HEATR4: variants seen among roughly 807,000 people sequenced by gnomAD.
HEATR4 encodes HEAT repeat-containing protein 4.
HEATR4 carries 95 observed loss-of-function variants against 108.8 expected under a neutral mutation model. That is an observed-to-expected ratio of 0.87 (90% CI 0.74 to 1.04). The LOEUF is 1.04. HEATR4 is among the 50% of genes least tolerant of loss of function. The pLI is 0.00. For missense variants in HEATR4, 1,152 were observed against 1,253.8 expected, an observed-to-expected ratio of 0.92 and a Z score of 1.23; for synonymous variants, 443 against 459.4, an observed-to-expected ratio of 0.96 and a Z score of 0.46.
chr14:73,569,797 G>T, the HEATR4 span: 1 of 1,603,550 alleles, frequency 6.2e-7, no homozygotes, highest in Non-Finnish European at 8.5e-7. Context: ...TGCCAGACGC[G>T]GCACGAGCGC....
upstream of HEATR4, among the ~76,000 whole-genome samples, chr14:73,559,462 G>A (rs948501553): frequency 2.6e-5 from 4 of 151,928 alleles, no homozygotes; most frequent in Admixed American, 1.3e-4. Context: ...CAGGCGCGAT[G>A]GCTCACGCCT....
chr14:73,599,599 C>A, the HEATR4 span, among the ~76,000 whole-genome samples: 1 of 152,130 alleles, frequency 6.6e-6, no homozygotes, highest in Admixed American at 6.5e-5. Context: ...AACCTCCCTG[C>A]CATAAAAGTA....
chr14:73,593,336 CTTTTT>C, the HEATR4 span, among the ~76,000 whole-genome samples: 3 of 104,868 alleles, frequency 2.9e-5, no homozygotes, highest in African/African-American at 3.9e-5. Context: ...TTCTTTCTTT[CTTTTT>C]TTTTTTTTTT....
At chr14:73,590,068 C>G in the HEATR4 span, among the ~76,000 whole-genome samples, 3 of 152,262 alleles carry the variant, frequency 2.0e-5, no homozygotes, top group African/African-American at 7.2e-5. Flanking sequence ...CTAAATAGAA[C>G]AAACCTTCCC....
chr14:73,509,592 T>G, intron 7 of HEATR4, 119 bp from the exon 8 acceptor site: 3 of 939,752 alleles, frequency 3.2e-6, no homozygotes. Context: ...CTTAGTGCTA[T>G]GTAATATAAT....
chr14:73,521,703 G>T (rs930722417), intron 3 of HEATR4, among the ~76,000 whole-genome samples: 1 of 152,182 alleles, frequency 6.6e-6, no homozygotes, highest in Admixed American at 6.5e-5. Flanking sequence ...CTCTCAGGTT[G>T]TCTGGTTCTC....
At position 73,492,604 on chromosome 14, in the gene HEATR4, C is replaced by T; in HGVS notation, c.2844+462G>A. The stretch of plus-strand genomic sequence containing the variant: ...TAAGTGTTTACGGGCTTCCAATTCG[C>T]TGGGAGGCTGGAGAACCTGTAAACG... On this transcript the variant is annotated intron_variant, in intron 17 of 17. Coordinates refer to ENST00000553558, the MANE Select transcript of HEATR4 (RefSeq NM_001220484.1). This position sits in a 1 kb window ranked among gnomAD's most constrained non-coding sequence, Gnocchi z 4.9. 6.2e-7 allele frequency: 1 copy of T among 1,613,872 alleles called. No homozygotes were observed. Among genetic ancestry groups the T allele is most frequent in the Non-Finnish European group, 8.5e-7 (1 of 1,179,872 alleles).
chr14:73,613,945 T>TGA, the HEATR4 span, among the ~76,000 whole-genome samples: 1 of 148,462 alleles, frequency 6.7e-6, no homozygotes, highest in Non-Finnish European at 1.5e-5. Context: ...ATCCCAGCAC[T>TGA]TTGGGAGGCT....
intron 5 of HEATR4, among the ~76,000 whole-genome samples, chr14:73,518,641 G>C (rs1370116672): frequency 6.6e-6 from 1 of 152,148 alleles, no homozygotes; most frequent in Non-Finnish European, 1.5e-5. Flanking sequence ...AGTGTGGAGT[G>C]GGAGGGTAGA....
upstream of HEATR4, among the ~76,000 whole-genome samples, chr14:73,561,290 C>A (rs541477347): frequency 3.2e-4 from 48 of 151,768 alleles, 2 homozygotes; most frequent in South Asian, 9.6e-3. Flanking sequence ...CTCTTGAACC[C>A]AGGAGGCAGA....
chr14:73,581,154 G>C, the HEATR4 span: 1 of 149,260 alleles, frequency 6.7e-6, no homozygotes, highest in East Asian at 1.9e-4. Flanking sequence ...TTTTCTTGTG[G>C]TGAGGACACT....
At chr14:73,602,439 T>C in the HEATR4 span, among the ~76,000 whole-genome samples, 1 of 152,170 alleles carries the variant, frequency 6.6e-6, no homozygotes, top group East Asian at 1.9e-4. Context: ...ATCTAGAGAA[T>C]GCAGTCTTAC....
At chr14:73,493,327 A>G (rs548982330) in intron 16 of HEATR4, 1 of 544,842 alleles carries the variant, frequency 1.8e-6, no homozygotes, top group East Asian at 3.0e-5. Flanking sequence ...GGTCGGGGTC[A>G]GTATCCTGTT....
At position 73,493,294 on chromosome 14, in the gene HEATR4, A is replaced by G. The variant is rs1885910262; in HGVS notation, c.2786-170T>C. 6.8e-6 allele frequency: 4 copies of G among 590,472 alleles called. No homozygotes were observed. In the Admixed American group the frequency reaches 1.3e-4, roughly 20 times the overall value. 36.6% of individuals were successfully genotyped at this position (590,472 alleles called of 1,614,324 possible). A position where few individuals can be genotyped will look rare whatever the true frequency, so the allele number is the denominator to read the frequency against. ...ATTTTTTTTGGAATTTGGATCTTTC[A>G]TCTGAGTTCTTTTTCATGGGCGGGT... On this transcript the variant is annotated intron_variant, in intron 16 of 17. Transcript: ENST00000553558.
At chr14:73,620,922 G>A in the HEATR4 span, among the ~76,000 whole-genome samples, 1 of 151,720 alleles carries the variant, frequency 6.6e-6, no homozygotes, top group Non-Finnish European at 1.5e-5. Context: ...ACTTCTCCCT[G>A]GGCCGGGCAC....
At chr14:73,515,744 A>G (rs923577747) in intron 5 of HEATR4, among the ~76,000 whole-genome samples, 3 of 120,036 alleles carry the variant, frequency 2.5e-5, no homozygotes, top group Non-Finnish European at 1.7e-5. Flanking sequence ...TGCCCATACA[A>G]TGCATCTCCT....
At chr14:73,613,002 T>A in the HEATR4 span, 3 of 976,936 alleles carry the variant, frequency 3.1e-6, no homozygotes, top group South Asian at 5.9e-5. Flanking sequence ...GCGGGCCCGG[T>A]GCGCGCCGCG....
At chr14:73,619,591 G>A in the HEATR4 span, 6 of 1,614,208 alleles carry the variant, frequency 3.7e-6, no homozygotes, top group Admixed American at 1.0e-4. Context: ...GATAGCCTCT[G>A]AAAGGCTACA....
chr14:73,570,828 C>G, the HEATR4 span, among the ~76,000 whole-genome samples: 2 of 150,572 alleles, frequency 1.3e-5, no homozygotes, highest in Non-Finnish European at 3.0e-5. Flanking sequence ...TCGCTGGAAC[C>G]CGGGAGGCAG....
Sources: gnomAD v4.1 joint callset for allele counts (sites outside exome capture counted in the v4.1 genomes callset) on GRCh38, gnomAD v4.1.1 for gene constraint, Gnocchi (gnomAD v3.1) non-coding constraint, MANE v1.5 for transcripts, NCBI Gene and HGNC (gene_info 2026-07-23, HGNC 2026-07-21) for gene names.